The following FSIP2 variants were observed in gnomAD, a reference collection of about 807,000 sequenced individuals.
FSIP2 encodes fibrous sheath-interacting protein 2.
In FSIP2, 367 loss-of-function variants were observed where a neutral mutation model predicts 510.5. The observed-to-expected ratio is 0.72, with a 90% CI of 0.66 to 0.78. The LOEUF (loss-of-function observed/expected upper bound fraction) is 0.78. Among genes scored for constraint, FSIP2 ranks in the 30% least tolerant of loss-of-function variants. The pLI, the probability that FSIP2 is intolerant of heterozygous loss-of-function variation, is 0.00. For missense variants in FSIP2, 7,594 were observed against 7,901.7 expected (o/e 0.96, Z 1.48); for synonymous variants, 2,601 against 2,732.2 (o/e 0.95, Z 1.50).
intron 15 of FSIP2, among the ~76,000 whole-genome samples, chr2:185,787,134 T>C (rs891061462): frequency 1.3e-5 from 2 of 151,868 alleles, no homozygotes; most frequent in Admixed American, 6.6e-5. Context: ...ATATGTGTTG[T>C]AGTTGATTTA....
chr2:185,819,059 C>T (rs1693870927), intron 19 of FSIP2, among the ~76,000 whole-genome samples: 1 of 151,700 alleles, frequency 6.6e-6, no homozygotes, highest in African/African-American at 2.4e-5. Context: ...AATTTTGGAA[C>T]CTCAATAACA....
At chr2:185,820,492 T>TTGTTTTATATATACATATATATATATA (rs1327268323) in intron 19 of FSIP2, among the ~76,000 whole-genome samples, 10 of 151,458 alleles carry the variant, frequency 6.6e-5, no homozygotes, top group African/African-American at 2.4e-4. Flanking sequence ...TATACATATA[T>TTGTTTTATATATACATATATATATATA]TGTTTTATAT....
At chr2:185,743,585 C>T (rs1691968580) in intron 3 of FSIP2, among the ~76,000 whole-genome samples, 2 of 152,092 alleles carry the variant, frequency 1.3e-5, no homozygotes, top group Non-Finnish European at 2.9e-5. Flanking sequence ...TGTATTATAG[C>T]CTTCTTTCTC....
rs1693434878 is a variant in FSIP2 at position 185,801,525 on chromosome 2, CTCAA to C, written c.12221_12224del (p.Ser4074Ter). ...GTAATAATCCGGTATACGACAATGCCTCAATAGCAGAACAAATAACAAATGGCAT... is the reference window on the plus strand; with the variant it reads ...GTAATAATCCGGTATACGACAATGCCTAGCAGAACAAATAACAAATGGCAT... On this transcript the variant is annotated frameshift_variant, in exon 17 of 23. Transcript: ENST00000424728. LOFTEE classifies it high-confidence loss of function. 6.5e-7 allele frequency: 1 copy of C among 1,533,840 alleles called. No homozygotes were observed.
chr2:185,744,472 A>G (rs1476317662), intron 4 of FSIP2, 61 bp downstream of exon 4: 3 of 340,656 alleles, frequency 8.8e-6, no homozygotes, highest in African/African-American at 2.1e-5. Flanking sequence ...GCTTGATTAT[A>G]TGTAGAGTGT....
At chr2:185,775,738 A>C (rs1158320840) in intron 13 of FSIP2, among the ~76,000 whole-genome samples, 1 of 152,096 alleles carries the variant, frequency 6.6e-6, no homozygotes, top group Admixed American at 6.5e-5. Context: ...ATCTCGGCTC[A>C]CTGCAACCCC....
At chr2:185,739,632 A>C (rs1691881980) in intron 2 of FSIP2, among the ~76,000 whole-genome samples, 161 bp downstream of exon 2, 1 of 152,232 alleles carries the variant, frequency 6.6e-6, no homozygotes, top group Non-Finnish European at 1.5e-5. Flanking sequence ...AATGCATATG[A>C]AGCACTTTCA....
intron 13 of FSIP2, among the ~76,000 whole-genome samples, chr2:185,780,746 T>C (rs1692832806): frequency 1.3e-5 from 2 of 152,122 alleles, no homozygotes; most frequent in African/African-American, 2.4e-5. Flanking sequence ...GTTACTGTTA[T>C]ATGTGAGCTC....
chr2:185,763,514 T>A (rs1227152605), intron 12 of FSIP2, among the ~76,000 whole-genome samples: 1 of 151,592 alleles, frequency 6.6e-6, no homozygotes, highest in Non-Finnish European at 1.5e-5. Context: ...TTAGAGGAAG[T>A]ATAAAGTTGG....
intron 17 of FSIP2, among the ~76,000 whole-genome samples, chr2:185,810,098 G>C (rs1693694447): frequency 1.3e-5 from 2 of 152,056 alleles, no homozygotes; most frequent in African/African-American, 2.4e-5. Flanking sequence ...CATAAGCTTA[G>C]AGTAAATTTT....
Position 185,794,466 on chromosome 2 carries a change from T to C in FSIP2, c.7330T>C (p.Phe2444Leu), listed in dbSNP as rs183247921. Reference sequence around the variant, plus strand: ...GGAAAGAAGTACCAAACAATCTCTATTTACAAAGTATCCATTAGAGCAAAA... The same window carrying C: ...GGAAAGAAGTACCAAACAATCTCTACTTACAAAGTATCCATTAGAGCAAAA... ...EKERSTKQSL[F>L]TKYPLEQNQM... The change falls in exon 16 of 23, where the codon TTT (phenylalanine) becomes CTT (leucine). Residue 2444 changes from phenylalanine to leucine, a missense_variant. Physicochemically the swap from Phe to Leu is conservative, Grantham distance 22. Transcript: ENST00000424728. The C allele has an allele frequency of 6.8e-5, 103 of 1,512,440 alleles. No individual in the cohort carries two copies. In the African/African-American group the frequency reaches 1.1e-3, roughly 16 times the overall value. The allele number at this position is 1,512,440 out of a possible 1,614,324, so 93.7% of individuals were successfully genotyped here.
In FSIP2 at chr2:185,800,591, G is replaced by A; in HGVS notation, c.11285G>A (p.Arg3762Lys). 6.5e-7 allele frequency: 1 copy of A among 1,530,634 alleles called. No individual in the cohort carries two copies. The highest frequency in any genetic ancestry group is 8.7e-7 in the Non-Finnish European group (1 of 1,144,474). 94.8% of individuals were successfully genotyped at this position (1,530,634 alleles called of 1,614,324 possible). ...AATGTTGTATGTGAGAAACTTATCA[G>A]AATACTTTTGGAAGAATGCACAAGC... Reference protein sequence around the residue: ...LLNVVCEKLIRILLEECTSTA... With the variant: ...LLNVVCEKLIKILLEECTSTA... The change falls in exon 17 of 23, where the codon AGA (arginine) becomes AAA (lysine). Residue 3762 changes from arginine to lysine, a missense_variant. Coordinates refer to ENST00000424728, the MANE Select transcript of FSIP2 (RefSeq NM_173651.4).
Position 185,789,707 on chromosome 2 carries a change from G to C in FSIP2, c.2571G>C (p.Lys857Asn). The C allele has an allele frequency of 6.5e-7, 1 of 1,534,336 alleles. No individual in the cohort carries two copies. The highest frequency in any genetic ancestry group is 8.7e-7 in the Non-Finnish European group (1 of 1,145,748). The change falls in exon 16 of 23, where the codon AAG (lysine) becomes AAC (asparagine). Residue 857 changes from lysine (K) to asparagine (N), a missense_variant. By Grantham distance (94) the Lys-to-Asn change is moderately conservative (BLOSUM62 0). Transcript: ENST00000424728. ...DTNKLSCQQHKTDPICMFLQR... is the reference protein window; with the variant it reads ...DTNKLSCQQHNTDPICMFLQR... ...ATAAGCTTTCCTGCCAGCAACATAA[G>C]ACAGACCCAATATGTATGTTCCTTC... is the stretch of plus-strand genomic sequence containing the variant.
rs758835152 is a variant in FSIP2 at position 185,796,955 on chromosome 2, G to A, written c.9819G>A (p.Leu3273=). 8 of 1,534,788 alleles carry A rather than the reference G, an allele frequency of 5.2e-6. No homozygotes were observed. The Middle Eastern group carries it at 6.7e-4, about 128-fold the overall frequency. ...YLPEGSFLQK[L]LRKASDSTEA... ...CTGAAGGCAGTTTCTTACAAAAGCT[G>A]CTTAGGAAAGCAAGTGACTCCACAG... The change falls in exon 16 of 23, where the codon CTG becomes CTA. Residue 3273 remains leucine (L), a synonymous_variant. Coordinates refer to ENST00000424728, the MANE Select transcript of FSIP2 (RefSeq NM_173651.4).
rs1271892075 is a variant in FSIP2, at chr2:185,793,607, T to G, written c.6471T>G (p.Asn2157Lys). 3 of 1,534,170 alleles carry G rather than the reference T, an allele frequency of 2.0e-6. No individual in the cohort carries two copies. Among genetic ancestry groups the G allele is most frequent in the Non-Finnish European group, 2.6e-6 (3 of 1,145,446 alleles). The change falls in exon 16 of 23, where the codon AAT (asparagine) becomes AAG (lysine). Residue 2157 changes from asparagine to lysine, a missense_variant. Coordinates refer to ENST00000424728, the MANE Select transcript of FSIP2 (RefSeq NM_173651.4). ...AATCAGATGTCATTTTGATATCCAA[T>G]GATATAGTGAATATTGTTCTTCATA... The part of the protein sequence containing the change: ...VPKSDVILIS[N>K]DIVNIVLHNL...
At position 185,796,367 on chromosome 2, in the gene FSIP2, ATTAC is replaced by A; in HGVS notation, c.9236_9239del (p.Leu3079HisfsTer13). On this transcript the variant is annotated frameshift_variant, in exon 16 of 23. Transcript: ENST00000424728. LOFTEE classifies it high-confidence loss of function. ...TACGGGTTCATTCATTCCATTCACAATTACTTACATATGCTGTTAATATCATCAG... is the reference window on the plus strand; with the variant it reads ...TACGGGTTCATTCATTCCATTCACAATTACATATGCTGTTAATATCATCAG... 1 of 1,533,976 alleles carries A rather than the reference ATTAC, an allele frequency of 6.5e-7. No homozygotes were observed. Among genetic ancestry groups the A allele is most frequent in the South Asian group, 1.2e-5 (1 of 83,982 alleles).
In FSIP2 at chr2:185,789,728, C is replaced by CTGT. The variant is rs1206161610; in HGVS notation, c.2592_2593insTGT (p.Phe864_Leu865insCys). Reference sequence around the variant, plus strand: ...ATAAGACAGACCCAATATGTATGTTCCTTCAAAGAGCTGGCAAAAATAAAT... The same window carrying CTGT: ...ATAAGACAGACCCAATATGTATGTTCTGTCTTCAAAGAGCTGGCAAAAATAAAT... On this transcript the variant is annotated inframe_insertion, in exon 16 of 23. Transcript: ENST00000424728. 5.9e-6 allele frequency: 9 copies of CTGT among 1,534,234 alleles called. No homozygotes were observed. Among genetic ancestry groups the CTGT allele is most frequent in the Non-Finnish European group, 7.9e-6 (9 of 1,145,744 alleles).
chr2:185,771,054 A>G (rs1020164206), intron 13 of FSIP2, among the ~76,000 whole-genome samples: 1 of 152,206 alleles, frequency 6.6e-6, no homozygotes, highest in East Asian at 1.9e-4. Flanking sequence ...AACACTAAAA[A>G]AAAGGGGTGG....
At chr2:185,764,628 T>G in intron 13 of FSIP2, 63 bp downstream of exon 13, 1 of 1,144,212 alleles carries the variant, frequency 8.7e-7, no homozygotes, top group South Asian at 1.4e-5. Flanking sequence ...AACTGACATT[T>G]ACTGAGTTTT....
Sources: allele counts gnomAD v4.1 joint callset (sites outside exome capture counted in the v4.1 genomes callset), GRCh38; gene constraint gnomAD v4.1.1; transcripts MANE v1.5; gene names NCBI Gene and HGNC (gene_info 2026-07-23, HGNC 2026-07-21).